TVP23A: variants seen among roughly 807,000 people sequenced by gnomAD.
The protein encoded by TVP23A is trans-golgi network vesicle protein 23 homolog A.
A neutral mutation model predicts 31.7 loss-of-function variants in TVP23A; 21 were observed. The ratio of observed to expected loss-of-function variants is 0.66; its 90% CI spans 0.47 to 0.95. The LOEUF (loss-of-function observed/expected upper bound fraction) is 0.95. Ranked by LOEUF, TVP23A falls within the 40% of genes least tolerant of loss-of-function variation. TVP23A has a pLI of 0.00. For missense variants in TVP23A, 279 were observed against 255.6 expected (o/e 1.09, Z -0.62); for synonymous variants, 104 against 96.0 (o/e 1.08, Z -0.49).
At chr16:10,803,009 C>T (rs191644770) in intron 2 of TVP23A, among the ~76,000 whole-genome samples, 41 of 152,210 alleles carry the variant, frequency 2.7e-4, no homozygotes, top group Admixed American at 1.2e-3. Flanking sequence ...AGAGGCTGGA[C>T]GCAGTGGCTC....
At chr16:10,769,178 A>T (rs906355039) in intron 7 of TVP23A, 77 bp from the exon 8 acceptor site, 1 of 1,426,972 alleles carries the variant, frequency 7.0e-7, no homozygotes, top group Non-Finnish European at 9.9e-7. Context: ...GCCAGACCCG[A>T]CCAGCTCCGG....
chr16:10,762,022 C>T (rs1222666602), downstream of TVP23A: 10 of 581,976 alleles, frequency 1.7e-5, no homozygotes, highest in East Asian at 5.7e-5. Flanking sequence ...AAGAGGCCAC[C>T]GGGAGAGAGG....
intron 2 of TVP23A, among the ~76,000 whole-genome samples, chr16:10,790,689 G>A (rs112346317): frequency 0.035 from 5,375 of 152,214 alleles, 325 homozygotes; most frequent in African/African-American, 0.12. Flanking sequence ...AAACCTATCT[G>A]ATGAAAATTT....
intron 2 of TVP23A, among the ~76,000 whole-genome samples, chr16:10,798,449 G>A (rs756548510): frequency 1.1e-4 from 16 of 152,126 alleles, no homozygotes; most frequent in African/African-American, 2.4e-4. Flanking sequence ...ATACCCATGC[G>A]TTTGTTCCTT....
chr16:10,801,086 G>C (rs2033673297), intron 2 of TVP23A, among the ~76,000 whole-genome samples: 1 of 152,154 alleles, frequency 6.6e-6, no homozygotes, highest in South Asian at 2.1e-4. Context: ...TCAAGACTTA[G>C]AATCAGCTCC....
chr16:10,805,005 TC>T (rs1218452490), intron 2 of TVP23A, among the ~76,000 whole-genome samples: 1 of 152,118 alleles, frequency 6.6e-6, no homozygotes, highest in Non-Finnish European at 1.5e-5. Context: ...GTTCATCTAT[TC>T]TGAGCAATCC....
chr16:10,803,293 C>A (rs1327541597), intron 2 of TVP23A, among the ~76,000 whole-genome samples: 1 of 107,776 alleles, frequency 9.3e-6, no homozygotes, highest in Non-Finnish European at 1.7e-5. Context: ...GTGTCAGAGT[C>A]TGGGCGACAG....
At chr16:10,809,478 C>T (rs1450805507) in intron 2 of TVP23A, among the ~76,000 whole-genome samples, 1 of 152,246 alleles carries the variant, frequency 6.6e-6, no homozygotes, top group Admixed American at 6.5e-5. Flanking sequence ...ACGGAGGCTA[C>T]AGCTTCTGTG....
chr16:10,761,402 C>A (rs758416439), exon 9 of TVP23A: 2 of 1,614,162 alleles, frequency 1.2e-6, no homozygotes, highest in Non-Finnish European at 1.7e-6. Flanking sequence ...AAATCAACTT[C>A]TGCCGCAAGG....
At chr16:10,796,586 C>A (rs929781970) in intron 2 of TVP23A, among the ~76,000 whole-genome samples, 3 of 152,164 alleles carry the variant, frequency 2.0e-5, no homozygotes, top group South Asian at 4.2e-4. Flanking sequence ...GCGCCCACGA[C>A]CATGCCCAGC....
rs987567110 is a variant in TVP23A, at chr16:10,769,071, A to G, written c.*31T>C. The stretch of plus-strand genomic sequence containing the variant: ...GGAATCCAAGAGTTTTGTAATCTCC[A>G]TCAGTCAAAAGAAGAGAACCTCATC... On this transcript the variant is annotated 3_prime_UTR_variant, in exon 8 of 8. Coordinates refer to ENST00000299866, the MANE Select transcript of TVP23A (RefSeq NM_001079512.4). 2 of 1,614,084 alleles carry G rather than the reference A, an allele frequency of 1.2e-6. No individual in the cohort carries two copies. The highest frequency in any genetic ancestry group is 1.7e-6 in the Non-Finnish European group (2 of 1,180,008).
At chr16:10,757,341 T>C (rs1187416239), downstream of TVP23A, among the ~76,000 whole-genome samples, 3 of 152,158 alleles carry the variant, frequency 2.0e-5, no homozygotes, top group Non-Finnish European at 4.4e-5. The surrounding 1 kb of genome is among the most constrained non-coding windows in gnomAD (Gnocchi z 4.1). Context: ...GGTTTTATAG[T>C]GGCTTATTTG....
chr16:10,801,619 G>A (rs933198807), intron 2 of TVP23A, among the ~76,000 whole-genome samples: 3 of 152,080 alleles, frequency 2.0e-5, no homozygotes, highest in African/African-American at 7.2e-5. Flanking sequence ...ACCATGCCTG[G>A]ATAATTTTTG....
In TVP23A at chr16:10,768,183, ATC is replaced by A; in HGVS notation, c.*917_*918del. ...CGAGGAAGCCAGGAGTCCATGAGAA[ATC>A]TCTCAATGTGTGAGTATTGTGAATT... On this transcript the variant is annotated 3_prime_UTR_variant, in exon 8 of 8. Transcript: ENST00000299866. This position sits in a 1 kb window ranked among gnomAD's most constrained non-coding sequence, Gnocchi z 4.3. The A allele has an allele frequency of 1.6e-6, 1 of 611,926 alleles. No individual in the cohort carries two copies. The highest frequency in any genetic ancestry group is 2.1e-5 in the South Asian group (1 of 48,084). The allele number at this position is 611,926 out of a possible 1,614,324, so 37.9% of individuals were successfully genotyped here.
At chr16:10,811,524 C>T (rs1025982082) in intron 2 of TVP23A, among the ~76,000 whole-genome samples, 1 of 152,106 alleles carries the variant, frequency 6.6e-6, no homozygotes, top group African/African-American at 2.4e-5. Context: ...CCTGACTCAG[C>T]CTCCCAAAGT....
chr16:10,801,996 T>C (rs1464841009), intron 2 of TVP23A, among the ~76,000 whole-genome samples: 2 of 151,962 alleles, frequency 1.3e-5, no homozygotes, highest in Non-Finnish European at 2.9e-5. Flanking sequence ...ATCTTGTTTC[T>C]ACAAAAAATA....
chr16:10,799,761 G>C (rs1456042435), intron 2 of TVP23A, among the ~76,000 whole-genome samples: 1 of 152,198 alleles, frequency 6.6e-6, no homozygotes, highest in Non-Finnish European at 1.5e-5. Flanking sequence ...AGGCTTACTT[G>C]AGGAGAGTTG....
At chr16:10,788,732 G>T (rs560954222) in intron 2 of TVP23A, among the ~76,000 whole-genome samples, 1 of 152,202 alleles carries the variant, frequency 6.6e-6, no homozygotes, top group African/African-American at 2.4e-5. Context: ...ATGTCATACT[G>T]TAGTAGTAGC....
intron 2 of TVP23A, among the ~76,000 whole-genome samples, chr16:10,804,528 G>C (rs2033853637): frequency 6.6e-6 from 1 of 152,176 alleles, no homozygotes; most frequent in African/African-American, 2.4e-5. Flanking sequence ...CAAGAGGATT[G>C]CCTGAGGCCA....
Sources: allele counts gnomAD v4.1 joint callset (sites outside exome capture counted in the v4.1 genomes callset), GRCh38; gene constraint gnomAD v4.1.1; non-coding constraint Gnocchi (gnomAD v3.1); transcripts MANE v1.5; gene names NCBI Gene and HGNC (gene_info 2026-07-23, HGNC 2026-07-21).